Variants in RAPGEF6 observed in about 807,000 individuals in gnomAD.
RAPGEF6 encodes the protein PDZ domain containing guanine nucleotide exchange factor (GEF) 2.
RAPGEF6 carries 56 observed loss-of-function variants against 171.4 expected under a neutral mutation model. The observed-to-expected ratio is 0.33, with a 90% confidence interval of 0.26 to 0.41. The LOEUF (loss-of-function observed/expected upper bound fraction) is 0.41. Ranked by LOEUF, RAPGEF6 falls within the 10% of genes least tolerant of loss-of-function variation. The probability of loss-of-function intolerance (pLI) is 1.00; values close to 1 mark genes in which losing one functional copy is unlikely to be tolerated. For missense variants in RAPGEF6, 1,674 were observed against 1,921.4 expected (o/e 0.87, Z 2.41); for synonymous variants, 692 against 650.1 (o/e 1.06, Z -0.98).
chr5:131,477,771 C>A (rs142507658), intron 16 of RAPGEF6, among the ~76,000 whole-genome samples: 9 of 152,032 alleles, frequency 5.9e-5, no homozygotes, highest in African/African-American at 1.9e-4. Flanking sequence ...CAAAATGAGA[C>A]GCAGTTAATG....
At chr5:131,509,364 A>C (rs1757571235) in intron 8 of RAPGEF6, among the ~76,000 whole-genome samples, 1 of 152,168 alleles carries the variant, frequency 6.6e-6, no homozygotes, top group Non-Finnish European at 1.5e-5. Context: ...TAACACGTTG[A>C]AACCCCATTG....
intron 17 of RAPGEF6, among the ~76,000 whole-genome samples, chr5:131,468,697 G>C (rs540094183): frequency 3.3e-5 from 5 of 152,290 alleles, no homozygotes; most frequent in African/African-American, 1.2e-4. Context: ...ACAGTGCTAA[G>C]TGAGACAGAT....
At chr5:131,562,093 A>C (rs1761638861) in intron 4 of RAPGEF6, 46 bp from the exon 5 acceptor site, 3 of 1,226,696 alleles carry the variant, frequency 2.4e-6, no homozygotes, top group Non-Finnish European at 3.4e-6. Context: ...TTATTAATAA[A>C]ATATATCAAT....
chr5:131,430,815 C>T, intron 26 of RAPGEF6, 44 bp downstream of exon 26: 2 of 1,577,118 alleles, frequency 1.3e-6, no homozygotes, highest in South Asian at 1.2e-5. Flanking sequence ...CATTTTTTGA[C>T]TACTTAATCT....
intron 25 of RAPGEF6, among the ~76,000 whole-genome samples, chr5:131,432,472 G>A (rs1339295816): frequency 6.6e-6 from 1 of 152,072 alleles, no homozygotes; most frequent in African/African-American, 2.4e-5. Flanking sequence ...CAAAAAATTA[G>A]CCGGGCGTGG....
chr5:131,534,864 A>C (rs1404493454), intron 6 of RAPGEF6, among the ~76,000 whole-genome samples: 1 of 152,152 alleles, frequency 6.6e-6, no homozygotes, highest in East Asian at 1.9e-4. Flanking sequence ...AATTATATTC[A>C]TGTATAGTAC....
intron 5 of RAPGEF6, among the ~76,000 whole-genome samples, chr5:131,554,464 G>C (rs972916572): frequency 6.6e-6 from 1 of 152,158 alleles, no homozygotes; most frequent in African/African-American, 2.4e-5. Context: ...ATTACATCTG[G>C]ATACTAGCAT....
rs1755338097 is a variant in RAPGEF6 at position 131,479,667 on chromosome 5, G to A, written c.1927C>T (p.His643Tyr). 1.2e-6 allele frequency: 2 copies of A among 1,613,844 alleles called. No individual in the cohort carries two copies. The highest frequency in any genetic ancestry group is 1.1e-5 in the South Asian group (1 of 91,066). ...PKIAEKKSNR[H>Y]SIQHVPGDIE... is the part of the protein sequence containing the mutation. ...TCTCCTGGCACATGCTGGATAGAAT[G>A]GCGATTACTTTTTTTTTCAGCAATT... is the stretch of plus-strand genomic sequence containing the variant. The change falls in exon 16 of 28, where the codon CAT (histidine) becomes TAT (tyrosine). Residue 643 changes from histidine (H) to tyrosine (Y), a missense_variant. His to Tyr is a moderately conservative substitution (Grantham distance 83). Coordinates refer to ENST00000509018, the MANE Select transcript of RAPGEF6 (RefSeq NM_016340.6).
intron 6 of RAPGEF6, among the ~76,000 whole-genome samples, chr5:131,540,382 C>A (rs1218480378): frequency 6.6e-6 from 1 of 152,108 alleles, no homozygotes; most frequent in Non-Finnish European, 1.5e-5. Flanking sequence ...GCCTGGGAAA[C>A]AGCAAGACAC....
chr5:131,557,008 T>G lies in RAPGEF6; in HGVS notation c.351+4970A>C, dbSNP rs147075632. Among the ~76,000 whole-genome samples the G allele has an allele frequency of 2.6e-5, 4 of 152,276 alleles. No homozygotes were observed. In the East Asian group the frequency reaches 7.7e-4, roughly 29 times the overall value. ...GGAGTCTATGTTGCCCAGGCTGGAG[T>G]GCAGTGGCTATTCACAGACAGGAAT... On this transcript the variant is annotated intron_variant, in intron 5 of 27. Coordinates refer to ENST00000509018, the MANE Select transcript of RAPGEF6 (RefSeq NM_016340.6).
At position 131,431,305 on chromosome 5, in the gene RAPGEF6, G is replaced by C; in HGVS notation, c.4019C>G (p.Ser1340Ter). The change falls in exon 26 of 28, where the codon TCA becomes TGA. Residue 1340 changes from serine (S) to a stop codon, truncating the protein, a stop_gained. Transcript: ENST00000509018. LOFTEE classifies it high-confidence loss of function. ...KPSLIKCLAV[S>*]SSVSNEEISQ... ...AATCTCTTCATTGCTCACAGACGAT[G>C]AGACAGCTAAACACTTGATTAGAGA... 1 of 1,612,850 alleles carries C rather than the reference G, an allele frequency of 6.2e-7. No individual in the cohort carries two copies. The highest frequency in any genetic ancestry group is 8.5e-7 in the Non-Finnish European group (1 of 1,178,834).
chr5:131,592,598 A>G (rs1168549636), intron 3 of RAPGEF6, 132 bp from the exon 4 acceptor site: 1 of 1,430,172 alleles, frequency 7.0e-7, no homozygotes, highest in African/African-American at 1.4e-5. Flanking sequence ...GGAAATTTGG[A>G]ATATTTTGCC....
intron 1 of RAPGEF6, among the ~76,000 whole-genome samples, chr5:131,620,597 T>TC (rs1166797264): frequency 2.6e-5 from 4 of 152,092 alleles, no homozygotes; most frequent in Non-Finnish European, 5.9e-5. Context: ...TTTTTTCTTT[T>TC]CTTTTTTTTT....
chr5:131,615,856 A>G (rs910197525), intron 1 of RAPGEF6, among the ~76,000 whole-genome samples: 10 of 151,954 alleles, frequency 6.6e-5, no homozygotes, highest in Non-Finnish European at 2.9e-5. Context: ...AGCGGAGATC[A>G]CACCACTGTA....
chr5:131,453,010 C>T, intron 21 of RAPGEF6, 44 bp downstream of exon 21: 2 of 1,575,918 alleles, frequency 1.3e-6, no homozygotes, highest in Admixed American at 1.8e-5. Context: ...TATTACATCA[C>T]CCTTGATACC....
chr5:131,436,645 A>C (rs1752029760), intron 24 of RAPGEF6, among the ~76,000 whole-genome samples: 1 of 152,180 alleles, frequency 6.6e-6, no homozygotes. Context: ...AAACAAAAAA[A>C]CTGTTGAAAG....
chr5:131,584,241 T>C (rs1763121386), intron 4 of RAPGEF6, among the ~76,000 whole-genome samples: 1 of 152,186 alleles, frequency 6.6e-6, no homozygotes, highest in Admixed American at 6.5e-5. Flanking sequence ...GCAAGTCAAA[T>C]TAATGGGATA....
At position 131,537,375 on chromosome 5, in the gene RAPGEF6, A is replaced by G. The variant is rs191553015; in HGVS notation, c.495+10672T>C. Reference sequence around the variant, plus strand: ...CTCAAGCATTTTATACATAGTGAATAATAAAGACAATTTTAAAATGCCTAT... The same window carrying G: ...CTCAAGCATTTTATACATAGTGAATGATAAAGACAATTTTAAAATGCCTAT... On this transcript the variant is annotated intron_variant, in intron 6 of 27. Coordinates refer to ENST00000509018, the MANE Select transcript of RAPGEF6 (RefSeq NM_016340.6). Among the ~76,000 whole-genome samples the G allele has an allele frequency of 5.3e-5, 8 of 152,326 alleles. No individual in the cohort carries two copies. In the East Asian group the frequency reaches 1.2e-3, roughly 22 times the overall value.
chr5:131,469,443 AAAG>A (rs1321969012), intron 17 of RAPGEF6, among the ~76,000 whole-genome samples: 1 of 152,138 alleles, frequency 6.6e-6, no homozygotes, highest in Non-Finnish European at 1.5e-5. Flanking sequence ...TATTAAGTGA[AAAG>A]AAGTAAGCTG....
Sources: allele counts gnomAD v4.1 joint callset (sites outside exome capture counted in the v4.1 genomes callset), GRCh38; gene constraint gnomAD v4.1.1; transcripts MANE v1.5; gene names NCBI Gene and HGNC (gene_info 2026-07-23, HGNC 2026-07-21).